The following SLC4A10 variants were observed in gnomAD, a reference collection of about 807,000 sequenced individuals.
SLC4A10 encodes the protein sodium-driven chloride bicarbonate exchanger.
In SLC4A10, 42 loss-of-function variants were observed where a neutral mutation model predicts 137.7. The observed-to-expected ratio is 0.30, with a 90% CI of 0.24 to 0.39. SLC4A10 has a LOEUF of 0.39. SLC4A10 is among the 10% of genes least tolerant of loss of function. The probability of loss-of-function intolerance (pLI) is 1.00; values close to 1 mark genes in which losing one functional copy is unlikely to be tolerated. For synonymous variants in SLC4A10, 474 were observed against 464.1 expected (o/e 1.02, Z -0.27); for missense variants, 925 against 1,355.0 (o/e 0.68, Z 4.98).
intron 11 of SLC4A10, among the ~76,000 whole-genome samples, chr2:161,896,095 G>A (rs1037488349): frequency 6.6e-6 from 1 of 152,128 alleles, no homozygotes; most frequent in Non-Finnish European, 1.5e-5. Flanking sequence ...TTTGCCTGAG[G>A]TGTAAGGAAG....
chr2:161,870,475 T>TA (rs2061051339), intron 6 of SLC4A10, among the ~76,000 whole-genome samples: 2 of 151,832 alleles, frequency 1.3e-5, no homozygotes, highest in Non-Finnish European at 3.0e-5. Context: ...GATATGTGTT[T>TA]ATTTAATTTA....
chr2:161,920,062 T>A (rs1367681549), intron 15 of SLC4A10, among the ~76,000 whole-genome samples: 7 of 152,220 alleles, frequency 4.6e-5, no homozygotes, highest in East Asian at 1.9e-4. Context: ...GCAGCCAGCA[T>A]GCCTGACTGT....
Position 161,629,044 on chromosome 2 carries a change from G to A in SLC4A10, c.48+4478G>A, listed in dbSNP as rs548965872. ...TGCTTCAGAAGTCTAAACTGGGCATGAATAGATTGCAGTGTATTACGATGG... is the reference window on the plus strand; with the variant it reads ...TGCTTCAGAAGTCTAAACTGGGCATAAATAGATTGCAGTGTATTACGATGG... On this transcript the variant is annotated intron_variant, in intron 1 of 26. Coordinates refer to ENST00000446997, the MANE Select transcript of SLC4A10 (RefSeq NM_001178015.2). 3.3e-5 allele frequency among the ~76,000 whole-genome samples: 5 copies of A among 152,014 alleles called. 1 individual carries two copies. In the South Asian group the frequency reaches 1.0e-3, roughly 31 times the overall value.
intron 1 of SLC4A10, among the ~76,000 whole-genome samples, chr2:161,735,738 C>G (rs113716646): frequency 1.3e-5 from 2 of 152,124 alleles, no homozygotes; most frequent in African/African-American, 4.8e-5. Flanking sequence ...GTGCCATACT[C>G]GGCTTGACTC....
At chr2:161,653,132 G>A (rs1218211535) in intron 1 of SLC4A10, among the ~76,000 whole-genome samples, 4 of 152,194 alleles carry the variant, frequency 2.6e-5, no homozygotes, top group South Asian at 2.1e-4. Flanking sequence ...TTAGTATGCC[G>A]AGAATGATGG....
intron 23 of SLC4A10, among the ~76,000 whole-genome samples, chr2:161,972,350 A>G (rs1277330781): frequency 6.6e-6 from 1 of 152,178 alleles, no homozygotes; most frequent in Non-Finnish European, 1.5e-5. Flanking sequence ...GACCGCCAGG[A>G]TGTGCCTACA....
intron 10 of SLC4A10, among the ~76,000 whole-genome samples, chr2:161,890,576 T>C (rs2062810039): frequency 6.6e-6 from 1 of 152,200 alleles, no homozygotes; most frequent in African/African-American, 2.4e-5. Context: ...TATTCGTTGG[T>C]TTAAAGCCTG....
intron 2 of SLC4A10, among the ~76,000 whole-genome samples, chr2:161,800,537 A>T (rs1404653845): frequency 6.6e-6 from 1 of 152,070 alleles, no homozygotes; most frequent in East Asian, 1.9e-4. Flanking sequence ...AGGGGTTGTA[A>T]TTATTGCCAA....
intron 1 of SLC4A10, among the ~76,000 whole-genome samples, chr2:161,694,334 AG>A (rs2042279832): frequency 2.0e-5 from 3 of 152,014 alleles, no homozygotes; most frequent in Admixed American, 6.6e-5. Flanking sequence ...ATTTATGCAT[AG>A]GTATTTTTTT....
intron 1 of SLC4A10, among the ~76,000 whole-genome samples, chr2:161,655,825 T>A (rs2105637959): frequency 6.7e-6 from 1 of 150,264 alleles, no homozygotes; most frequent in East Asian, 1.9e-4. Flanking sequence ...TTCTTTTTTT[T>A]TTTTTTGGAG....
chr2:161,718,703 T>C (rs1214037839), intron 1 of SLC4A10, among the ~76,000 whole-genome samples: 1 of 152,146 alleles, frequency 6.6e-6, no homozygotes, highest in Non-Finnish European at 1.5e-5. Flanking sequence ...CTGAAGAGTG[T>C]TTTACTTCCA....
intron 10 of SLC4A10, among the ~76,000 whole-genome samples, chr2:161,891,704 C>T (rs1434562232): frequency 2.6e-5 from 4 of 151,918 alleles, no homozygotes; most frequent in East Asian, 1.9e-4. Context: ...TCTAACCTTT[C>T]TTCAAGGTTC....
chr2:161,968,677 A>G (rs1196914260), intron 23 of SLC4A10, among the ~76,000 whole-genome samples: 1 of 152,182 alleles, frequency 6.6e-6, no homozygotes, highest in Non-Finnish European at 1.5e-5. Flanking sequence ...TCAAGAAATA[A>G]TCTATAATTG....
intron 15 of SLC4A10, among the ~76,000 whole-genome samples, chr2:161,937,448 C>G (rs975664342): frequency 2.6e-5 from 4 of 152,136 alleles, no homozygotes; most frequent in African/African-American, 9.7e-5. Context: ...CTGTAGTTCC[C>G]CACCCTCACT....
chr2:161,934,372 C>T (rs4664440), intron 15 of SLC4A10, among the ~76,000 whole-genome samples: 49,205 of 151,778 alleles, frequency 0.32, 8,313 homozygotes, highest in Admixed American at 0.41. Context: ...TACATGAGGT[C>T]GATTATTTTA....
intron 1 of SLC4A10, among the ~76,000 whole-genome samples, chr2:161,704,870 C>G (rs1360641545): frequency 6.6e-6 from 1 of 151,524 alleles, no homozygotes; most frequent in African/African-American, 2.4e-5. Context: ...GAGCATAAAT[C>G]TTAATCTGCC....
At chr2:161,924,316 A>G (rs1436697501) in intron 15 of SLC4A10, among the ~76,000 whole-genome samples, 3 of 152,082 alleles carry the variant, frequency 2.0e-5, no homozygotes, top group Non-Finnish European at 4.4e-5. Flanking sequence ...TAAGAACATA[A>G]GAAGTAAGTA....
At chr2:161,753,918 C>G (rs1425190856) in intron 1 of SLC4A10, among the ~76,000 whole-genome samples, 1 of 148,234 alleles carries the variant, frequency 6.7e-6, no homozygotes, top group Non-Finnish European at 1.5e-5. Context: ...GGGACAGAGC[C>G]TTGCTCTGTT....
intron 1 of SLC4A10, among the ~76,000 whole-genome samples, chr2:161,663,532 C>A (rs1200929823): frequency 2.6e-5 from 4 of 151,994 alleles, no homozygotes; most frequent in Non-Finnish European, 4.4e-5. Flanking sequence ...ATCAAACACT[C>A]CCTTTTAACA....
Sources: gnomAD v4.1 joint callset for allele counts (sites outside exome capture counted in the v4.1 genomes callset) on GRCh38, gnomAD v4.1.1 for gene constraint, MANE v1.5 for transcripts, NCBI Gene and HGNC (gene_info 2026-07-23, HGNC 2026-07-21) for gene names.